WDR72: variants seen among roughly 807,000 people sequenced by gnomAD.
WDR72 encodes WD repeat-containing protein 72.
In WDR72, 120 loss-of-function variants were observed where a neutral mutation model predicts 124.2. The ratio of observed to expected loss-of-function variants is 0.97; its 90% CI spans 0.83 to 1.12. The LOEUF is 1.12. Among genes scored for constraint, WDR72 ranks in the 50% most tolerant of loss-of-function variants. The pLI, the probability that WDR72 is intolerant of heterozygous loss-of-function variation, is 0.00. For synonymous variants in WDR72, 452 were observed against 441.7 expected, an observed-to-expected ratio of 1.02 and a Z score of -0.29; for missense variants, 1,387 against 1,278.8, an observed-to-expected ratio of 1.08 and a Z score of -1.29.
At chr15:53,716,365 T>A (rs2017707631) in intron 4 of WDR72, among the ~76,000 whole-genome samples, 1 of 152,216 alleles carries the variant, frequency 6.6e-6, no homozygotes, top group African/African-American at 2.4e-5. Context: ...AAATTGTCTT[T>A]CAAATCTGTT....
intron 1 of WDR72, among the ~76,000 whole-genome samples, chr15:53,749,120 C>T (rs2018712742): frequency 6.6e-6 from 1 of 152,088 alleles, no homozygotes; most frequent in Admixed American, 6.6e-5. Flanking sequence ...GGAAGGATTT[C>T]CCCCAGGGGA....
At chr15:53,592,446 AC>A (rs1432504298) in intron 18 of WDR72, among the ~76,000 whole-genome samples, 1 of 152,082 alleles carries the variant, frequency 6.6e-6, no homozygotes, top group East Asian at 1.9e-4. Context: ...CTGGGCCCGT[AC>A]TTCTGCAGGG....
chr15:53,520,922 C>G lies in WDR72; in HGVS notation c.3253+2296G>C, dbSNP rs78208533. On this transcript the variant is annotated intron_variant, in intron 19 of 19. Transcript: ENST00000360509. ...AGGAAACACACTCTCTCATCAAAATCTTTCTTACTAAACAAGCACCTCTGT... is the reference window on the plus strand; with the variant it reads ...AGGAAACACACTCTCTCATCAAAATGTTTCTTACTAAACAAGCACCTCTGT... Among the ~76,000 whole-genome samples, 44 of 152,198 alleles carry G rather than the reference C, an allele frequency of 2.9e-4. 1 individual carries two copies. The East Asian group carries it at 7.4e-3, about 25-fold the overall frequency.
chr15:53,706,622 G>A (rs540248463), intron 9 of WDR72, among the ~76,000 whole-genome samples: 3 of 151,404 alleles, frequency 2.0e-5, no homozygotes. Flanking sequence ...CACTGAGAAG[G>A]CTTAATTTCT....
At chr15:53,522,250 C>T (rs991605930) in intron 19 of WDR72, among the ~76,000 whole-genome samples, 1 of 152,008 alleles carries the variant, frequency 6.6e-6, no homozygotes, top group Admixed American at 6.6e-5. Context: ...TGTTTGTTTG[C>T]AGCTGCCCCC....
chr15:53,714,078 C>T (rs11853157), intron 6 of WDR72, among the ~76,000 whole-genome samples: 40,484 of 151,876 alleles, frequency 0.27, 5,844 homozygotes, highest in East Asian at 0.48. Flanking sequence ...TTTTTAGGGT[C>T]ATTTGCTTGC....
At chr15:53,747,521 G>A (rs542200879) in intron 1 of WDR72, among the ~76,000 whole-genome samples, 1 of 152,288 alleles carries the variant, frequency 6.6e-6, no homozygotes, top group African/African-American at 2.4e-5. Flanking sequence ...TTAAACAAAT[G>A]TGCAAATTAA....
intron 18 of WDR72, among the ~76,000 whole-genome samples, chr15:53,570,097 C>T (rs933584962): frequency 6.6e-6 from 1 of 151,936 alleles, no homozygotes; most frequent in Non-Finnish European, 1.5e-5. Context: ...GGAATACACT[C>T]CCCCCTTTTT....
chr15:53,616,735 C>T (rs926568275), intron 14 of WDR72, among the ~76,000 whole-genome samples: 14 of 151,954 alleles, frequency 9.2e-5, no homozygotes, highest in Non-Finnish European at 1.8e-4. Flanking sequence ...TCAAAAAACT[C>T]ACCTTGTTGA....
chr15:53,591,195 C>G (rs1232921799), intron 18 of WDR72, among the ~76,000 whole-genome samples: 2 of 151,998 alleles, frequency 1.3e-5, no homozygotes, highest in East Asian at 1.9e-4. Context: ...TGATGTGCTT[C>G]CCTAGTCTCT....
chr15:53,676,982 A>T (rs1255567199), intron 13 of WDR72, among the ~76,000 whole-genome samples: 1 of 146,626 alleles, frequency 6.8e-6, no homozygotes, highest in East Asian at 2.0e-4. Context: ...GTGCAGTGGC[A>T]CCATCTCGGC....
chr15:53,585,719 T>C (rs542340150), intron 18 of WDR72, among the ~76,000 whole-genome samples: 24 of 152,092 alleles, frequency 1.6e-4, no homozygotes, highest in African/African-American at 5.5e-4. Flanking sequence ...GAGGTCAATA[T>C]GGGCCAGAAA....
chr15:53,728,688 C>T (rs1025945993), intron 2 of WDR72, among the ~76,000 whole-genome samples: 153 of 152,216 alleles, frequency 1.0e-3, no homozygotes, highest in African/African-American at 3.4e-3. Flanking sequence ...GGATATTCAC[C>T]ACACCTTTCT....
intron 3 of WDR72, among the ~76,000 whole-genome samples, chr15:53,719,822 C>T (rs545165761): frequency 2.6e-5 from 4 of 152,264 alleles, no homozygotes; most frequent in East Asian, 1.9e-4. Flanking sequence ...TTCTGGTGCA[C>T]GCTCAGGATT....
intron 1 of WDR72, among the ~76,000 whole-genome samples, chr15:53,741,118 G>A (rs2018496958): frequency 1.3e-5 from 2 of 152,118 alleles, no homozygotes; most frequent in African/African-American, 4.8e-5. Context: ...TTTGTCTATT[G>A]CTATAATTGC....
At chr15:53,693,113 G>A (rs2016893455) in intron 13 of WDR72, among the ~76,000 whole-genome samples, 1 of 152,120 alleles carries the variant, frequency 6.6e-6, no homozygotes, top group Non-Finnish European at 1.5e-5. Context: ...ACATAACTTT[G>A]ACCTGATATC....
At chr15:53,714,317 T>A (rs1595868723) in intron 6 of WDR72, 117 bp downstream of exon 6, 1 of 840,766 alleles carries the variant, frequency 1.2e-6, no homozygotes, top group South Asian at 1.5e-5. Context: ...GTAGAATTTA[T>A]ACACTTCTAT....
chr15:53,606,118 A>T (rs2171476), intron 17 of WDR72, among the ~76,000 whole-genome samples: 50,294 of 152,006 alleles, frequency 0.33, 8,431 homozygotes, highest in Admixed American at 0.4. Flanking sequence ...TCACAGAATC[A>T]TAGAACCTTA....
intron 18 of WDR72, among the ~76,000 whole-genome samples, chr15:53,568,476 A>G (rs1043387696): frequency 2.0e-5 from 3 of 151,968 alleles, no homozygotes; most frequent in Non-Finnish European, 2.9e-5. Context: ...CAACAGGCTT[A>G]AGGGTGTAAA....
Sources: allele counts gnomAD v4.1 joint callset (sites outside exome capture counted in the v4.1 genomes callset), GRCh38; gene constraint gnomAD v4.1.1; transcripts MANE v1.5; gene names NCBI Gene and HGNC (gene_info 2026-07-23, HGNC 2026-07-21).